The following C1orf53 variants were observed in gnomAD, a reference collection of about 807,000 sequenced individuals.
C1orf53 encodes the protein chromosome 1 open reading frame 53, also known as uncharacterized protein C1orf53.
Under a neutral mutation model 17.5 loss-of-function variants are expected in C1orf53, and 23 were observed. That is an observed-to-expected ratio of 1.31 (90% CI 0.94 to 1.86). The LOEUF (loss-of-function observed/expected upper bound fraction) is 1.86, where lower values mean the gene tolerates loss of function less well. Among genes scored for constraint, C1orf53 ranks in the 40% most tolerant of loss-of-function variants. C1orf53 has a pLI of 0.00. For missense variants in C1orf53, 255 were observed against 193.2 expected, an observed-to-expected ratio of 1.32 and a Z score of -1.89; for synonymous variants, 108 against 81.9, an observed-to-expected ratio of 1.32 and a Z score of -1.72.
At chr1:197,906,878 G>A (rs1659529996) in intron 2 of C1orf53, among the ~76,000 whole-genome samples, 1 of 152,128 alleles carries the variant, frequency 6.6e-6, no homozygotes, top group Non-Finnish European at 1.5e-5. Context: ...AGAGCTTTTT[G>A]TAAATTGAGG....
In C1orf53 at chr1:197,907,357, GA is replaced by G. The variant is rs1659536807; in HGVS notation, c.*142del. On this transcript the variant is annotated 3_prime_UTR_variant, in exon 3 of 3. Transcript: ENST00000367393. ...TATATTAAAAGAACATCAATAAAATGAAAAAGCTAACAAATGTTTGTGTGTT... is the reference window on the plus strand; with the variant it reads ...TATATTAAAAGAACATCAATAAAATGAAAAGCTAACAAATGTTTGTGTGTT... The G allele has an allele frequency of 4.0e-6, 2 of 502,994 alleles. No homozygotes were observed. Among genetic ancestry groups the G allele is most frequent in the African/African-American group, 4.0e-5 (2 of 49,510 alleles). The allele number at this position is 502,994 out of a possible 1,614,324, so 31.2% of individuals were successfully genotyped here.
At chr1:197,904,309 C>A (rs1447888728) in intron 1 of C1orf53, among the ~76,000 whole-genome samples, 1 of 152,158 alleles carries the variant, frequency 6.6e-6, no homozygotes, top group Non-Finnish European at 1.5e-5. Flanking sequence ...ACGTGAGGCT[C>A]ATTTACTGAG....
In C1orf53 at chr1:197,905,911, C is replaced by T. The variant is rs1281618772; in HGVS notation, c.366+14C>T. 3 of 1,579,174 alleles carry T rather than the reference C, an allele frequency of 1.9e-6. No homozygotes were observed. Among genetic ancestry groups the T allele is most frequent in the African/African-American group, 1.3e-5 (1 of 74,384 alleles). ...GCGTGCAGACATGTGAGTAGCAATT[C>T]TTGCATTACAGCAGCAGTTTGCGGT... On this transcript the variant is annotated intron_variant, in intron 2 of 2. Transcript: ENST00000367393.
In C1orf53 at chr1:197,907,269, T is replaced by C; in HGVS notation, c.*49T>C. ...AACTGTGCTTGTATTTTTTAAAAAA[T>C]AAAGCCCCAATTCAGAATTGCTGGA... is the stretch of plus-strand genomic sequence containing the variant. On this transcript the variant is annotated 3_prime_UTR_variant, in exon 3 of 3. Transcript: ENST00000367393. 1.8e-6 allele frequency: 2 copies of C among 1,090,620 alleles called. No individual in the cohort carries two copies. Among genetic ancestry groups the C allele is most frequent in the East Asian group, 2.5e-5 (1 of 40,776 alleles). The allele number at this position is 1,090,620 out of a possible 1,614,324, so 67.6% of individuals were successfully genotyped here. A position where few individuals can be genotyped will look rare whatever the true frequency, so the allele number is the denominator to read the frequency against.
chr1:197,905,881 G>T lies in C1orf53; in HGVS notation c.350G>T (p.Gly117Val). The T allele has an allele frequency of 2.5e-6, 4 of 1,613,568 alleles. No homozygotes were observed. Among genetic ancestry groups the T allele is most frequent in the African/African-American group, 2.7e-5 (2 of 75,038 alleles). ...CACTTGCAAAGAGGTGAATGTTGTG[G>T]CTCTGCGTGCAGACATGTGAGTAGC... ...IAHLQRGECC[G>V]SACRHCPYGQ... Residue 117 changes from glycine to valine, a missense_variant, in exon 2 of 3, where the codon GGC (glycine) becomes GTC (valine). Gly to Val is a moderately radical substitution (Grantham distance 109, BLOSUM62 -3). Coordinates refer to ENST00000367393, the MANE Select transcript of C1orf53 (RefSeq NM_001024594.3).
At chr1:197,907,026 A>G (rs949459800) in intron 2 of C1orf53, 123 bp from the exon 3 acceptor site, 2 of 590,032 alleles carry the variant, frequency 3.4e-6, no homozygotes, top group Non-Finnish European at 5.8e-6. Context: ...AGTCTGCAGG[A>G]CCTGATAGTT....
Position 197,902,868 on chromosome 1 carries a change from C to A in C1orf53, c.219C>A (p.Thr73=), listed in dbSNP as rs768002836. Reference sequence around the variant, plus strand: ...GGCCTTCGGTGAGCGAAGAGTTAACCGCGGCGGAGCGACAGATCGCGGAGC... The same window carrying A: ...GGCCTTCGGTGAGCGAAGAGTTAACAGCGGCGGAGCGACAGATCGCGGAGC... ...AARPSVSEEL[T]AAERQIAELH... The change falls in exon 1 of 3, where the codon ACC becomes ACA. Residue 73 remains threonine (T), a synonymous_variant. Coordinates refer to ENST00000367393, the MANE Select transcript of C1orf53 (RefSeq NM_001024594.3). The A allele has an allele frequency of 1.3e-6, 2 of 1,520,610 alleles. No individual in the cohort carries two copies. The highest frequency in any genetic ancestry group is 2.7e-5 in the East Asian group (1 of 36,916). 94.2% of individuals were successfully genotyped at this position (1,520,610 alleles called of 1,614,324 possible).
intron 2 of C1orf53, among the ~76,000 whole-genome samples, chr1:197,906,443 T>TG (rs1659525573): frequency 6.6e-6 from 1 of 151,686 alleles, no homozygotes; most frequent in Non-Finnish European, 1.5e-5. Context: ...GTCCTTTCTG[T>TG]GGCTCTTTTC....
At position 197,902,935 on chromosome 1, in the gene C1orf53, C is replaced by A. The variant is rs1396269258; in HGVS notation, c.264+22C>A. ...CGCGGTGAGACTCCCTCCTGCCCGCCCCGCCCCGCCGCGGCCGCCCCGGGC... is the reference window on the plus strand; with the variant it reads ...CGCGGTGAGACTCCCTCCTGCCCGCACCGCCCCGCCGCGGCCGCCCCGGGC... On this transcript the variant is annotated intron_variant, in intron 1 of 2. Coordinates refer to ENST00000367393, the MANE Select transcript of C1orf53 (RefSeq NM_001024594.3). 3.7e-6 allele frequency: 5 copies of A among 1,348,662 alleles called. No homozygotes were observed. The African/African-American group carries it at 7.7e-5, about 21-fold the overall frequency. The allele number at this position is 1,348,662 out of a possible 1,614,324, so 83.5% of individuals were successfully genotyped here. A position where few individuals can be genotyped will look rare whatever the true frequency, so the allele number is the denominator to read the frequency against.
intron 1 of C1orf53, among the ~76,000 whole-genome samples, chr1:197,903,722 G>A (rs1659476405): frequency 6.6e-6 from 1 of 152,218 alleles, no homozygotes; most frequent in South Asian, 2.1e-4. Context: ...CAAAGGGGTA[G>A]AGAAGAAAAT....
chr1:197,906,319 G>T (rs1659523104), intron 2 of C1orf53, among the ~76,000 whole-genome samples: 3 of 152,030 alleles, frequency 2.0e-5, no homozygotes, highest in Admixed American at 1.3e-4. Flanking sequence ...TTCAGATAAT[G>T]ATTTTTTCTT....
chr1:197,905,275 A>G (rs937630448), intron 1 of C1orf53, among the ~76,000 whole-genome samples: 1 of 152,240 alleles, frequency 6.6e-6, no homozygotes, highest in Admixed American at 6.5e-5. Flanking sequence ...ATGTGCAATG[A>G]AGTAACACAT....
intron 1 of C1orf53, among the ~76,000 whole-genome samples, chr1:197,903,587 G>A (rs1026121405): frequency 6.6e-6 from 1 of 152,120 alleles, no homozygotes; most frequent in Admixed American, 6.5e-5. Flanking sequence ...AAGAAACAGT[G>A]AGAAAAAAAG....
chr1:197,906,748 C>T, intron 2 of C1orf53, among the ~76,000 whole-genome samples: 1 of 152,250 alleles, frequency 6.6e-6, no homozygotes, highest in East Asian at 1.9e-4. Flanking sequence ...CTTTAACTAG[C>T]CACTCTATAA....
At chr1:197,902,951 C>T (rs1011575632) in intron 1 of C1orf53, 38 bp downstream of exon 1, 2 of 1,336,068 alleles carry the variant, frequency 1.5e-6, no homozygotes, top group East Asian at 6.3e-5. Context: ...CCGCCGCGGC[C>T]GCCCCGGGCT....
chr1:197,904,857 A>T (rs1658191522), intron 1 of C1orf53, among the ~76,000 whole-genome samples: 1 of 152,164 alleles, frequency 6.6e-6, no homozygotes. Flanking sequence ...TTGGTGGTTC[A>T]TACAAAAATG....
In C1orf53 at chr1:197,902,656, G is replaced by A; in HGVS notation, c.7G>A (p.Ala3Thr). The stretch of plus-strand genomic sequence containing the variant: ...TCCCAAGGCCGGCGGCGGCATGGCG[G>A]CCAGGCAGATCTGGGCACGGACGGG... MA[A>T]RQIWARTGAA... is the part of the protein sequence containing the mutation. Residue 3 changes from alanine to threonine, a missense_variant, in exon 1 of 3, where the codon GCC (alanine) becomes ACC (threonine). Coordinates refer to ENST00000367393, the MANE Select transcript of C1orf53 (RefSeq NM_001024594.3). 1 of 1,452,594 alleles carries A rather than the reference G, an allele frequency of 6.9e-7. No homozygotes were observed. Among genetic ancestry groups the A allele is most frequent in the Non-Finnish European group, 9.0e-7 (1 of 1,107,466 alleles). The allele number at this position is 1,452,594 out of a possible 1,614,324, so 90.0% of individuals were successfully genotyped here.
chr1:197,902,687 C>A lies in C1orf53; in HGVS notation c.38C>A (p.Ala13Glu). The change falls in exon 1 of 3, where the codon GCG becomes GAG. Residue 13 changes from alanine (A) to glutamate (E), a missense_variant. Physicochemically the swap from Ala to Glu is moderately radical, Grantham distance 107 (BLOSUM62 -1). Transcript: ENST00000367393. ...ARQIWARTGA[A>E]LCRQPSAAPP... ...CAGATCTGGGCACGGACGGGTGCCG[C>A]GCTCTGCAGGCAACCTTCCGCCGCC... 6.6e-7 allele frequency: 1 copy of A among 1,505,696 alleles called. No homozygotes were observed. Among genetic ancestry groups the A allele is most frequent in the Non-Finnish European group, 8.8e-7 (1 of 1,134,712 alleles). 93.3% of individuals were successfully genotyped at this position (1,505,696 alleles called of 1,614,324 possible).
chr1:197,902,911 G>A lies in C1orf53; in HGVS notation c.262G>A (p.Ala88Thr). ...QIAELHAAAC[A>T]AGQLNYVDPA... ...CGCGGAGCTGCACGCTGCCGCCTGC[G>A]CGGTGAGACTCCCTCCTGCCCGCCC... is the stretch of plus-strand genomic sequence containing the variant. Residue 88 changes from alanine (A) to threonine (T), a missense_variant and splice_region_variant, in exon 1 of 3, where the codon GCG (alanine) becomes ACG (threonine). Coordinates refer to ENST00000367393, the MANE Select transcript of C1orf53 (RefSeq NM_001024594.3). The A allele has an allele frequency of 2.1e-6, 3 of 1,462,304 alleles. No homozygotes were observed. The highest frequency in any genetic ancestry group is 2.7e-6 in the Non-Finnish European group (3 of 1,110,146). 90.6% of individuals were successfully genotyped at this position (1,462,304 alleles called of 1,614,324 possible). A position where few individuals can be genotyped will look rare whatever the true frequency, so the allele number is the denominator to read the frequency against.
Sources: allele counts gnomAD v4.1 joint callset (sites outside exome capture counted in the v4.1 genomes callset), GRCh38; gene constraint gnomAD v4.1.1; transcripts MANE v1.5; gene names NCBI Gene and HGNC (gene_info 2026-07-23, HGNC 2026-07-21).